CDH6: variants seen among roughly 807,000 people sequenced by gnomAD.
CDH6 encodes the protein cadherin 6.
CDH6 carries 31 observed loss-of-function variants against 78.0 expected under a neutral mutation model. That is an observed-to-expected ratio of 0.40 (90% CI 0.30 to 0.54). CDH6 has a LOEUF of 0.54. Ranked by LOEUF, CDH6 falls within the 20% of genes least tolerant of loss-of-function variation. The pLI, the probability that CDH6 is intolerant of heterozygous loss-of-function variation, is 0.56. For synonymous variants in CDH6, 376 were observed against 368.8 expected (o/e 1.02, Z -0.23); for missense variants, 724 against 975.9 (o/e 0.74, Z 3.44).
intron 11 of CDH6, among the ~76,000 whole-genome samples, chr5:31,322,240 G>C (rs1738492858): frequency 6.6e-6 from 1 of 152,044 alleles, no homozygotes; most frequent in South Asian, 2.1e-4. Flanking sequence ...GGTCTCTCCA[G>C]GTATTTTCTG....
rs146780255 is a variant in CDH6 at position 31,202,790 on chromosome 5, A to G, written c.-129+8904A>G. On this transcript the variant is annotated intron_variant, in intron 1 of 11. Transcript: ENST00000265071. ...GCATATATGTATATGTCACATATAT[A>G]TGTGTATATATGTGACATATATAAA... Among the ~76,000 whole-genome samples, 837 of 151,374 alleles carry G rather than the reference A, an allele frequency of 5.5e-3. 7 individuals are homozygous for G. The highest frequency in any genetic ancestry group is 0.019 in the African/African-American group (798 of 41,216).
At chr5:31,314,864 G>A (rs1738270567) in intron 8 of CDH6, among the ~76,000 whole-genome samples, 1 of 152,174 alleles carries the variant, frequency 6.6e-6, no homozygotes, top group Non-Finnish European at 1.5e-5. Context: ...ACATTTGAAA[G>A]TATTGGTGAC....
intron 2 of CDH6, among the ~76,000 whole-genome samples, chr5:31,280,972 T>C (rs1034501298): frequency 2.7e-4 from 41 of 151,932 alleles, no homozygotes; most frequent in African/African-American, 9.9e-4. Context: ...ATTAATTCCC[T>C]GATGGTATGA....
At chr5:31,206,866 T>C (rs1359862136) in intron 1 of CDH6, among the ~76,000 whole-genome samples, 5 of 152,144 alleles carry the variant, frequency 3.3e-5, no homozygotes, top group Admixed American at 2.0e-4. Flanking sequence ...CTACTCAGCT[T>C]AGAAAGAAGC....
intron 1 of CDH6, among the ~76,000 whole-genome samples, chr5:31,229,829 A>C (rs1334800141): frequency 1.3e-5 from 2 of 152,186 alleles, no homozygotes; most frequent in Non-Finnish European, 2.9e-5. Flanking sequence ...CAGCATAATT[A>C]CGGGCTGAGG....
In CDH6 at chr5:31,267,460, A is replaced by T. The variant is rs772327985; in HGVS notation, c.-14A>T. 2.2e-5 allele frequency: 35 copies of T among 1,605,778 alleles called. No individual in the cohort carries two copies. The highest frequency in any genetic ancestry group is 2.6e-5 in the Non-Finnish European group (31 of 1,172,530). ...GGGGCACTCACTACGCACAGACTCGACGGTGCCATCAGCATGAGAACTTAC... is the reference window on the plus strand; with the variant it reads ...GGGGCACTCACTACGCACAGACTCGTCGGTGCCATCAGCATGAGAACTTAC... On this transcript the variant is annotated 5_prime_UTR_variant, in exon 2 of 12. Coordinates refer to ENST00000265071, the MANE Select transcript of CDH6 (RefSeq NM_004932.4).
intron 7 of CDH6, among the ~76,000 whole-genome samples, chr5:31,312,050 T>A (rs1251141063): frequency 6.6e-6 from 1 of 152,238 alleles, no homozygotes; most frequent in Non-Finnish European, 1.5e-5. Flanking sequence ...TAAATATTTA[T>A]CAAGTTCCTA....
rs117407035 is a variant in CDH6 at position 31,245,752 on chromosome 5, A to T, written c.-128-21594A>T. On this transcript the variant is annotated intron_variant, in intron 1 of 11. Transcript: ENST00000265071. The stretch of plus-strand genomic sequence containing the variant: ...GCCAGCTCCTCAAAGCATGTTTTTA[A>T]CTTTCTTCTCACTTAATCTAAAAGT... 3.7e-4 allele frequency among the ~76,000 whole-genome samples: 57 copies of T among 152,214 alleles called. No individual in the cohort carries two copies. The East Asian group carries it at 0.01, about 28-fold the overall frequency.
chr5:31,243,634 C>T (rs560883698), intron 1 of CDH6, among the ~76,000 whole-genome samples: 10 of 152,244 alleles, frequency 6.6e-5, no homozygotes, highest in African/African-American at 2.4e-4. Flanking sequence ...TTGACACTTC[C>T]CTCCCTGAGA....
intron 1 of CDH6, among the ~76,000 whole-genome samples, chr5:31,199,540 G>GTGTGTATATA (rs1477392593): frequency 2.3e-5 from 3 of 132,398 alleles, no homozygotes; most frequent in Non-Finnish European, 4.8e-5. Flanking sequence ...GTATATATAT[G>GTGTGTATATA]TATACACACA....
intron 2 of CDH6, among the ~76,000 whole-genome samples, chr5:31,278,592 G>T (rs546915070): frequency 6.6e-6 from 1 of 152,248 alleles, no homozygotes; most frequent in South Asian, 2.1e-4. Context: ...AAGCTACATT[G>T]TACAGACAAT....
At chr5:31,210,587 A>C (rs904512109) in intron 1 of CDH6, among the ~76,000 whole-genome samples, 3 of 152,174 alleles carry the variant, frequency 2.0e-5, no homozygotes, top group African/African-American at 7.2e-5. Context: ...GTATCTGTAG[A>C]GAATTGGTTT....
At chr5:31,296,178 C>A (rs747227751) in intron 3 of CDH6, among the ~76,000 whole-genome samples, 3 of 152,166 alleles carry the variant, frequency 2.0e-5, no homozygotes, top group African/African-American at 4.8e-5. Context: ...AACTTACCTA[C>A]CCCTTTCATG....
intron 1 of CDH6, among the ~76,000 whole-genome samples, chr5:31,202,055 T>C (rs1016867280): frequency 6.6e-6 from 1 of 152,180 alleles, no homozygotes; most frequent in South Asian, 2.1e-4. Flanking sequence ...TATCTAACTC[T>C]ATAAGCCGGA....
intron 9 of CDH6, 89 bp from the exon 10 acceptor site, chr5:31,317,286 A>G (rs1738350375): frequency 1.4e-6 from 1 of 703,324 alleles, no homozygotes; most frequent in Admixed American, 2.3e-5. Context: ...AAATTTTTAA[A>G]TCATTTTGTC....
intron 6 of CDH6, among the ~76,000 whole-genome samples, chr5:31,304,443 T>C (rs1381637290): frequency 6.6e-6 from 1 of 152,020 alleles, no homozygotes; most frequent in East Asian, 1.9e-4. Context: ...TCCCAGCACT[T>C]TGGGAGGCCG....
chr5:31,290,766 G>A (rs145183997), intron 2 of CDH6, among the ~76,000 whole-genome samples: 92 of 152,152 alleles, frequency 6.0e-4, no homozygotes, highest in Non-Finnish European at 1.2e-3. Flanking sequence ...CCGTGTACTC[G>A]GTCAGACCCA....
intron 3 of CDH6, among the ~76,000 whole-genome samples, chr5:31,296,143 A>C (rs1737588546): frequency 1.3e-5 from 2 of 152,356 alleles, no homozygotes; most frequent in Middle Eastern, 3.4e-3. Flanking sequence ...AAAGCAATGT[A>C]GAATTCCTAA....
intron 6 of CDH6, among the ~76,000 whole-genome samples, chr5:31,304,180 C>G (rs1476543983): frequency 6.9e-6 from 1 of 143,990 alleles, no homozygotes; most frequent in African/African-American, 2.6e-5. Flanking sequence ...AAAACAACAA[C>G]AACAAAAAAA....
Sources: gnomAD v4.1 joint callset for allele counts (sites outside exome capture counted in the v4.1 genomes callset) on GRCh38, gnomAD v4.1.1 for gene constraint, MANE v1.5 for transcripts, NCBI Gene and HGNC (gene_info 2026-07-23, HGNC 2026-07-21) for gene names.